Variants in OTOA observed in about 807,000 individuals in gnomAD.
OTOA encodes the protein cancer/testis antigen 108.
OTOA carries 70 observed loss-of-function variants against 110.8 expected under a neutral mutation model. The observed-to-expected ratio is 0.63, with a 90% CI of 0.52 to 0.77. The LOEUF (loss-of-function observed/expected upper bound fraction) is 0.77, where lower values mean the gene tolerates loss of function less well. OTOA is among the 30% of genes least tolerant of loss of function. The pLI is 0.00. For missense variants in OTOA, 917 were observed against 1,075.8 expected (o/e 0.85, Z 2.06); for synonymous variants, 373 against 431.5 (o/e 0.86, Z 1.68).
intron 1 of OTOA, among the ~76,000 whole-genome samples, chr16:21,675,190 C>T (rs1407701576): frequency 1.4e-5 from 2 of 146,384 alleles, no homozygotes; most frequent in East Asian, 2.0e-4. Context: ...CATTCTGTCA[C>T]CTAGGCTGGA....
chr16:21,672,152 G>T (rs771798443), intron 1 of OTOA, among the ~76,000 whole-genome samples: 1 of 151,990 alleles, frequency 6.6e-6, no homozygotes, highest in African/African-American at 2.4e-5. Flanking sequence ...TCACAGAAAT[G>T]GAATCATATG....
At chr16:21,725,104 T>A (rs1898872903) in intron 18 of OTOA, among the ~76,000 whole-genome samples, 1 of 152,062 alleles carries the variant, frequency 6.6e-6, no homozygotes, top group Non-Finnish European at 1.5e-5. Flanking sequence ...CTTGTTTTGT[T>A]CACTGGTTTC....
At chr16:21,719,322 C>G in intron 16 of OTOA, 65 bp from the exon 17 acceptor site, 1 of 1,567,678 alleles carries the variant, frequency 6.4e-7, no homozygotes, top group Non-Finnish European at 8.8e-7. Context: ...TCTGCCTTCT[C>G]TCGCTCTTTC....
chr16:21,731,644 G>A (rs1899120338), intron 21 of OTOA, among the ~76,000 whole-genome samples: 1 of 152,180 alleles, frequency 6.6e-6, no homozygotes. Context: ...ACACTCCAAT[G>A]GCCAAAGTAA....
intron 17 of OTOA, among the ~76,000 whole-genome samples, chr16:21,719,823 C>G (rs993941476): frequency 2.0e-5 from 3 of 152,150 alleles, no homozygotes; most frequent in African/African-American, 7.2e-5. Context: ...AGCTAATATT[C>G]CAACACTTTC....
At chr16:21,717,114 G>A (rs966702518) in intron 15 of OTOA, 67 bp downstream of exon 15, 2 of 1,590,290 alleles carry the variant, frequency 1.3e-6, no homozygotes, top group African/African-American at 2.7e-5. Context: ...TGAATGGTCT[G>A]TTTTAAGGTT....
intron 18 of OTOA, among the ~76,000 whole-genome samples, chr16:21,725,598 A>G (rs1170470792): frequency 1.3e-5 from 2 of 152,142 alleles, no homozygotes; most frequent in Admixed American, 6.6e-5. Flanking sequence ...GTAAGAACAG[A>G]TTGGGATAAT....
chr16:21,678,704 T>G, intron 2 of OTOA, 99 bp downstream of exon 2: 23 of 1,244,852 alleles, frequency 1.8e-5, no homozygotes, highest in Non-Finnish European at 2.5e-5. Context: ...AAGTTGTTTT[T>G]GGGCTGTGTG....
intron 9 of OTOA, among the ~76,000 whole-genome samples, chr16:21,692,640 C>T (rs1285672956): frequency 6.8e-6 from 1 of 147,984 alleles, no homozygotes; most frequent in South Asian, 2.2e-4. Flanking sequence ...AAAATGGGGC[C>T]AGGTGGGCCG....
At chr16:21,689,343 T>C (rs969753498) in intron 8 of OTOA, among the ~76,000 whole-genome samples, 5 of 152,164 alleles carry the variant, frequency 3.3e-5, no homozygotes, top group Non-Finnish European at 7.3e-5. Context: ...CTAAGATGTA[T>C]ATAAATGAAA....
At chr16:21,678,398 C>A in intron 1 of OTOA, 113 bp from the exon 2 acceptor site, 1 of 666,662 alleles carries the variant, frequency 1.5e-6, no homozygotes, top group Non-Finnish European at 2.3e-6. Context: ...CTTTTGTCTT[C>A]TGAATGTCCA....
chr16:21,672,358 C>T (rs1047686952), intron 1 of OTOA, among the ~76,000 whole-genome samples: 2 of 152,082 alleles, frequency 1.3e-5, no homozygotes, highest in Middle Eastern at 3.4e-3. Flanking sequence ...CACGGTGGCT[C>T]ACGCCAGCAA....
At chr16:21,681,665 C>T in intron 5 of OTOA, 73 bp from the exon 6 acceptor site, 1 of 1,300,634 alleles carries the variant, frequency 7.7e-7, no homozygotes, top group Non-Finnish European at 1.1e-6. Context: ...GTCCCCTGGG[C>T]ACTTAGCTAG....
intron 28 of OTOA, among the ~76,000 whole-genome samples, chr16:21,760,225 G>A (rs1900125439): frequency 6.6e-6 from 1 of 151,730 alleles, no homozygotes; most frequent in African/African-American, 2.4e-5. Context: ...GAATCTCCAG[G>A]GGATCCTGGA....
intron 12 of OTOA, among the ~76,000 whole-genome samples, chr16:21,706,573 C>G (rs1898175001): frequency 6.6e-6 from 1 of 152,106 alleles, no homozygotes; most frequent in African/African-American, 2.4e-5. Flanking sequence ...CAAACACGCT[C>G]TCTCTCATTT....
intron 11 of OTOA, among the ~76,000 whole-genome samples, chr16:21,704,651 G>A (rs892885600): frequency 6.6e-6 from 1 of 152,128 alleles, no homozygotes; most frequent in Non-Finnish European, 1.5e-5. Flanking sequence ...CTCTGTTATG[G>A]AACCAAACTG....
chr16:21,671,178 T>C (rs769710190), intron 1 of OTOA, among the ~76,000 whole-genome samples: 1 of 152,158 alleles, frequency 6.6e-6, no homozygotes, highest in Non-Finnish European at 1.5e-5. Context: ...TGTCAAGCCC[T>C]GTTTGAAGTG....
At chr16:21,700,462 C>T (rs1454258010) in intron 10 of OTOA, among the ~76,000 whole-genome samples, 4 of 151,990 alleles carry the variant, frequency 2.6e-5, no homozygotes, top group Non-Finnish European at 4.4e-5. Context: ...TGGTGGCTTA[C>T]GCCTGTAATC....
rs144912719 is a variant in OTOA at position 21,678,452 on chromosome 16, G to GTA, written c.-4-58_-4-57insAT. 21,882 of 984,452 alleles carry GTA rather than the reference G, an allele frequency of 0.022. 688 individuals are homozygous for GTA. Among genetic ancestry groups the GTA allele is most frequent in the East Asian group, 0.21 (6,637 of 31,526 alleles). 61.0% of individuals were successfully genotyped at this position (984,452 alleles called of 1,614,324 possible). On this transcript the variant is annotated intron_variant, in intron 1 of 28. Coordinates refer to ENST00000646100, the MANE Select transcript of OTOA (RefSeq NM_144672.4). Reference sequence around the variant, plus strand: ...TATACATGTATATATATGTGTGTGTGTGTATATATATATATATTAAAAAAA... The same window carrying GTA: ...TATACATGTATATATATGTGTGTGTGTATGTATATATATATATATTAAAAAAA...
Sources: gnomAD v4.1 joint callset for allele counts (sites outside exome capture counted in the v4.1 genomes callset) on GRCh38, gnomAD v4.1.1 for gene constraint, MANE v1.5 for transcripts, NCBI Gene and HGNC (gene_info 2026-07-23, HGNC 2026-07-21) for gene names.